The following HUWE1 variants were observed in gnomAD, a reference collection of about 807,000 sequenced individuals.
HUWE1 encodes the protein E3 ubiquitin-protein ligase HUWE1.
HUWE1 carries 18 observed loss-of-function variants against 299.4 expected under a neutral mutation model. The observed-to-expected ratio is 0.06, with a 90% confidence interval of 0.04 to 0.09. The LOEUF is 0.09. HUWE1 is among the 10% of genes least tolerant of loss of function. HUWE1 has a pLI of 1.00. For missense variants in HUWE1, 1,832 were observed against 3,462.3 expected, an observed-to-expected ratio of 0.53 and a Z score of 11.82; for synonymous variants, 1,317 against 1,286.1, an observed-to-expected ratio of 1.02 and a Z score of -0.51.
intron 6 of HUWE1, among the ~76,000 whole-genome samples, chrX:53,645,739 ATATATATATATATATATATATAT>A (rs2067977564): frequency 5.0e-5 from 1 of 19,942 alleles, no homozygotes; most frequent in African/African-American, 1.9e-4. Flanking sequence ...AAAAAAAAAT[ATATATATATATATATATATATAT>A]ATATATATAT....
In HUWE1 at chrX:53,547,896, T is replaced by C; in HGVS notation, c.10413A>G (p.Glu3471=). ...CACCGCTGCCAGAATTAGCCTGTGC[T>C]TCTGACACCTTGTTTTCTGGGAGAG... ...SIALPENKVS[E]AQANSGSGAS... is the part of the protein sequence containing the mutation. Residue 3471 remains glutamate (E), a synonymous_variant, in exon 68 of 84, where the codon GAA becomes GAG. Coordinates refer to ENST00000262854, the MANE Select transcript of HUWE1 (RefSeq NM_031407.7). The C allele has an allele frequency of 8.3e-7, 1 of 1,210,545 alleles. No homozygotes were observed. The highest frequency in any genetic ancestry group is 1.8e-5 in the South Asian group (1 of 56,635).
chrX:53,597,148 A>G (rs782224448), intron 29 of HUWE1, among the ~76,000 whole-genome samples: 62 of 111,747 alleles, frequency 5.5e-4, no homozygotes, highest in Non-Finnish European at 3.2e-4. Flanking sequence ...AAAGCCAGTA[A>G]AGGATAATTT....
chrX:53,561,930 G>C lies in HUWE1; in HGVS notation c.7339-6C>G. 1 of 1,211,133 alleles carries C rather than the reference G, an allele frequency of 8.3e-7. No individual in the cohort carries two copies. The highest frequency in any genetic ancestry group is 1.1e-6 in the Non-Finnish European group (1 of 895,238). ...TCTTCACCTTCATCATCCTCCTTAA[G>C]GGAAAATAGGAGATGGAGAATTGCT... On this transcript the variant is annotated splice_polypyrimidine_tract_variant and splice_region_variant and intron_variant, in intron 54 of 83. Transcript: ENST00000262854.
intron 29 of HUWE1, among the ~76,000 whole-genome samples, chrX:53,599,726 T>C (rs2064718717): frequency 1.8e-5 from 2 of 112,146 alleles, no homozygotes; most frequent in Non-Finnish European, 3.8e-5. Context: ...AAAGGAAGAA[T>C]ATTTCTAGAT....
At chrX:53,590,638 T>C in intron 34 of HUWE1, 139 bp from the exon 35 acceptor site, 2 of 526,561 alleles carry the variant, frequency 3.8e-6, no homozygotes, top group Non-Finnish European at 6.7e-6. Context: ...GCTGCTCTTG[T>C]ATAAGTCAAA....
chrX:53,631,650 C>T, intron 9 of HUWE1, 36 bp from the exon 10 acceptor site: 1 of 1,024,680 alleles, frequency 9.8e-7, no homozygotes, highest in Non-Finnish European at 1.4e-6. Flanking sequence ...TGTAAGGAGT[C>T]ACTGAACACT....
At position 53,554,757 on chromosome X, in the gene HUWE1, T is replaced by C. The variant is rs781817898; in HGVS notation, c.8370A>G (p.Pro2790=). Residue 2790 remains proline (P), a synonymous_variant, in exon 61 of 84, where the codon CCA becomes CCG. Transcript: ENST00000262854. ...LGEVPQELQS[P]AGEGGSSTQL... ...GTGTAGAGCTGCCCCCTTCTCCAGC[T>C]GGAGACTGCAGCTCCTGAGGAACCT... 1 of 1,210,237 alleles carries C rather than the reference T, an allele frequency of 8.3e-7. No individual in the cohort carries two copies. Among genetic ancestry groups the C allele is most frequent in the East Asian group, 3.0e-5 (1 of 33,781 alleles).
chrX:53,549,607 G>T (rs2061680310), intron 66 of HUWE1, 102 bp from the exon 67 acceptor site: 1 of 720,249 alleles, frequency 1.4e-6, no homozygotes, highest in Non-Finnish European at 2.1e-6. Flanking sequence ...CTCCAAGGAG[G>T]CTTGAGAAAG....
In HUWE1 at chrX:53,647,526, G is replaced by C; in HGVS notation, c.193C>G (p.Leu65Val). Residue 65 changes from leucine (L) to valine (V), a missense_variant, in exon 6 of 84, where the codon CTG becomes GTG. Leu to Val is a conservative substitution (Grantham distance 32). Coordinates refer to ENST00000262854, the MANE Select transcript of HUWE1 (RefSeq NM_031407.7). ...VDLLDRFDGI[L>V]ADAGQTVENM... ...TCCACTGTCTGTCCAGCATCTGCCA[G>C]TATTCCATCGAAGCGGTCCAACAGG... The C allele has an allele frequency of 8.3e-7, 1 of 1,209,223 alleles. No individual in the cohort carries two copies. The highest frequency in any genetic ancestry group is 1.1e-6 in the Non-Finnish European group (1 of 893,090).
chrX:53,633,448 A>G (rs1260324035), intron 8 of HUWE1, among the ~76,000 whole-genome samples: 2 of 112,401 alleles, frequency 1.8e-5, no homozygotes, highest in Non-Finnish European at 3.8e-5. Context: ...CTACTGTATC[A>G]CCCAATATCT....
intron 6 of HUWE1, among the ~76,000 whole-genome samples, chrX:53,646,608 T>A (rs1344796013): frequency 8.9e-6 from 1 of 111,986 alleles, no homozygotes; most frequent in Admixed American, 9.5e-5. Flanking sequence ...GGGCAGCATA[T>A]CTATTTCATC....
chrX:53,625,088 T>G, intron 18 of HUWE1, 69 bp downstream of exon 18: 2 of 682,307 alleles, frequency 2.9e-6, no homozygotes, highest in Non-Finnish European at 2.4e-6. Context: ...GGTGCCAGAA[T>G]AGTATGAAAA....
chrX:53,562,063 C>T, intron 54 of HUWE1, 48 bp downstream of exon 54: 2 of 1,210,969 alleles, frequency 1.7e-6, no homozygotes, highest in Non-Finnish European at 2.2e-6. Flanking sequence ...GCTCTATGTT[C>T]CCATGGAAGA....
intron 36 of HUWE1, 100 bp from the exon 37 acceptor site, chrX:53,588,634 A>G: frequency 2.5e-6 from 2 of 798,746 alleles, no homozygotes; most frequent in African/African-American, 2.0e-5. Flanking sequence ...TGCCTCCAAC[A>G]CATTCACTAA....
At chrX:53,620,408 C>T (rs2066071189) in intron 19 of HUWE1, among the ~76,000 whole-genome samples, 1 of 110,583 alleles carries the variant, frequency 9.0e-6, no homozygotes, top group Non-Finnish European at 1.9e-5. Flanking sequence ...GCCCTGCAAA[C>T]ATTTTTATTT....
Position 53,569,688 on chromosome X carries a change from G to A in HUWE1, c.6452C>T (p.Ala2151Val). The change falls in exon 48 of 84, where the codon GCC becomes GTC. Residue 2151 changes from alanine to valine, a missense_variant. This residue lies in a region of HUWE1 where 157 missense variants were observed against 252.3 expected (regional missense o/e 0.62). Transcript: ENST00000262854. ...GGCTGCTTTTACTTCATTCACTAGG[G>A]CCACCTGGGCATCTGTGCCACTCCC... is the stretch of plus-strand genomic sequence containing the variant. ...AAGSGTDAQVALVNEVKAALG... is the reference protein window; with the variant it reads ...AAGSGTDAQVVLVNEVKAALG... The A allele has an allele frequency of 1.7e-6, 2 of 1,211,811 alleles. No homozygotes were observed. The highest frequency in any genetic ancestry group is 2.2e-6 in the Non-Finnish European group (2 of 895,419).
intron 36 of HUWE1, among the ~76,000 whole-genome samples, 153 bp downstream of exon 36, chrX:53,589,394 C>T (rs781922648): frequency 8.9e-6 from 1 of 112,006 alleles, no homozygotes; most frequent in South Asian, 3.7e-4. Flanking sequence ...AGTTAACACA[C>T]TGTTTCAGGA....
At position 53,535,334 on chromosome X, in the gene HUWE1, C is replaced by T. The variant is rs201368978; in HGVS notation, c.12649+50G>A. The T allele has an allele frequency of 2.5e-5, 20 of 802,357 alleles. No homozygotes were observed. Among genetic ancestry groups the T allele is most frequent in the African/African-American group, 2.2e-4 (11 of 49,499 alleles). The allele number at this position is 802,357 out of a possible 1,213,427, so 66.1% of individuals were successfully genotyped here. ...ACATGCCTATCAAATGAATCAAGTC[C>T]GACCTCTTCTCATATTGAGCAACTA... On this transcript the variant is annotated intron_variant, in intron 81 of 83. Coordinates refer to ENST00000262854, the MANE Select transcript of HUWE1 (RefSeq NM_031407.7).
chrX:53,615,608 T>C (rs1557006673), intron 22 of HUWE1, 136 bp downstream of exon 22: 1 of 508,108 alleles, frequency 2.0e-6, no homozygotes, highest in Non-Finnish European at 3.5e-6. Context: ...CCTAAGGACA[T>C]GGAAACAATG....
Sources: gnomAD v4.1 joint callset for allele counts (sites outside exome capture counted in the v4.1 genomes callset) on GRCh38, gnomAD v4.1.1 for gene constraint, gnomAD v4.1.1 regional missense constraint, MANE v1.5 for transcripts, NCBI Gene and HGNC (gene_info 2026-07-23, HGNC 2026-07-21) for gene names.